The following FRMD5 variants were observed in gnomAD, a reference collection of about 807,000 sequenced individuals.
FRMD5 encodes the protein FERM domain containing 5, also known as FERM domain-containing protein 5.
In FRMD5, 20 loss-of-function variants were observed where a neutral mutation model predicts 69.0. That is an observed-to-expected ratio of 0.29 (90% confidence interval 0.20 to 0.42). The LOEUF (loss-of-function observed/expected upper bound fraction) is 0.42, where lower values mean the gene tolerates loss of function less well. Among genes scored for constraint, FRMD5 ranks in the 10% least tolerant of loss-of-function variants. The pLI is 1.00. For missense variants in FRMD5, 595 were observed against 708.6 expected, an observed-to-expected ratio of 0.84 and a Z score of 1.82; for synonymous variants, 271 against 260.1, an observed-to-expected ratio of 1.04 and a Z score of -0.40.
intron 1 of FRMD5, among the ~76,000 whole-genome samples, chr15:44,032,803 G>T (rs73406762): frequency 6.6e-6 from 1 of 151,728 alleles, no homozygotes. Context: ...GCAATTCCTC[G>T]CTACAAAGAG....
At chr15:44,145,930 G>T (rs1317413409) in intron 1 of FRMD5, among the ~76,000 whole-genome samples, 4 of 152,166 alleles carry the variant, frequency 2.6e-5, no homozygotes, top group African/African-American at 9.7e-5. Context: ...ACTTAAACTT[G>T]TATGCTGTAT....
rs377563513 is a variant in FRMD5 at position 44,001,639 on chromosome 15, CTT to C, written c.103-77332_103-77331del. The stretch of plus-strand genomic sequence containing the variant: ...TTTTTTTTTTTTGAGACAAAAATCA[CTT>C]TGTCATTCAGGCTGGAGTCCAGTGG... On this transcript the variant is annotated intron_variant, in intron 1 of 13. Transcript: ENST00000417257. Among the ~76,000 whole-genome samples the C allele has an allele frequency of 4.2e-4, 63 of 148,470 alleles. No homozygotes were observed. In the East Asian group the frequency reaches 7.7e-3, roughly 18 times the overall value.
intron 1 of FRMD5, among the ~76,000 whole-genome samples, chr15:44,137,028 G>C (rs770402131): frequency 5.3e-5 from 8 of 152,142 alleles, no homozygotes; most frequent in Non-Finnish European, 1.0e-4. Context: ...TTTTAAACAG[G>C]ATCAGATTTA....
chr15:44,155,505 T>A (rs755209034), intron 1 of FRMD5, among the ~76,000 whole-genome samples: 15 of 152,008 alleles, frequency 9.9e-5, no homozygotes, highest in Non-Finnish European at 1.9e-4. Context: ...AAGCTGAATA[T>A]AAGCATACCA....
chr15:43,883,680 C>A, intron 13 of FRMD5, 23 bp downstream of exon 13: 1 of 1,549,606 alleles, frequency 6.5e-7, no homozygotes, highest in South Asian at 1.2e-5. Flanking sequence ...CCCCAGTGGT[C>A]ACCTCAAGAA....
intron 1 of FRMD5, among the ~76,000 whole-genome samples, chr15:44,183,257 T>C (rs1050225429): frequency 6.7e-6 from 1 of 150,084 alleles, no homozygotes; most frequent in Non-Finnish European, 1.5e-5. Context: ...GAAAGGGGGG[T>C]AGCAGAGAGA....
At chr15:44,199,251 A>C (rs1312285976), upstream of FRMD5, among the ~76,000 whole-genome samples, 1 of 152,250 alleles carries the variant, frequency 6.6e-6, no homozygotes, top group Non-Finnish European at 1.5e-5. Flanking sequence ...GAAAAAAAGA[A>C]TAATCTGAAG....
At chr15:43,927,563 GGA>G (rs948217220) in intron 1 of FRMD5, among the ~76,000 whole-genome samples, 16 of 152,240 alleles carry the variant, frequency 1.1e-4, no homozygotes, top group African/African-American at 3.1e-4. Context: ...AGGTTCTCTG[GGA>G]GCAGAGGAAA....
intron 1 of FRMD5, among the ~76,000 whole-genome samples, chr15:44,165,135 T>C (rs543339229): frequency 6.0e-4 from 92 of 152,252 alleles, no homozygotes; most frequent in African/African-American, 2.1e-3. Context: ...TCAACCAAAG[T>C]CGGCCAGGAG....
intron 1 of FRMD5, among the ~76,000 whole-genome samples, chr15:44,098,743 G>A (rs186261562): frequency 1.3e-4 from 20 of 152,200 alleles, no homozygotes; most frequent in Non-Finnish European, 2.1e-4. Context: ...ACGTTTTACT[G>A]CCTCCATTTT....
intron 1 of FRMD5, among the ~76,000 whole-genome samples, chr15:43,943,887 C>T (rs1343455855): frequency 1.3e-5 from 2 of 152,186 alleles, no homozygotes; most frequent in Non-Finnish European, 2.9e-5. Flanking sequence ...AAAATGAATA[C>T]AACCTCTCCT....
chr15:43,992,383 A>G (rs1595597406), intron 1 of FRMD5, among the ~76,000 whole-genome samples: 1 of 128,746 alleles, frequency 7.8e-6, no homozygotes, highest in African/African-American at 3.0e-5. Context: ...TTTTATATTT[A>G]TTTTTATTTT....
At chr15:44,055,358 T>C (rs1892828981) in intron 1 of FRMD5, among the ~76,000 whole-genome samples, 1 of 152,154 alleles carries the variant, frequency 6.6e-6, no homozygotes, top group African/African-American at 2.4e-5. Context: ...CTGGAGTCTT[T>C]TATAACTTGA....
intron 1 of FRMD5, among the ~76,000 whole-genome samples, chr15:44,016,774 A>T (rs751850057): frequency 6.6e-6 from 1 of 151,976 alleles, no homozygotes; most frequent in Non-Finnish European, 1.5e-5. Flanking sequence ...TAGCTACTAC[A>T]ATTTTATAAA....
Position 43,905,836 on chromosome 15 carries a change from C to T in FRMD5, c.543G>A (p.Thr181=), listed in dbSNP as rs750273320. 9.3e-6 allele frequency: 15 copies of T among 1,614,158 alleles called. No homozygotes were observed. Among genetic ancestry groups the T allele is most frequent in the Admixed American group, 5.0e-5 (3 of 60,028 alleles). ...GATTAAGTGCCACGTACCTCAGTTC[C>T]GTCTTGTGAATCTCAGCAATTTTCC... ...LERKIAEIHK[T]ELSGQTPATS... Residue 181 remains threonine (T), a synonymous_variant, in exon 6 of 14, where the codon ACG becomes ACA. Transcript: ENST00000417257.
intron 5 of FRMD5, 61 bp from the exon 6 acceptor site, chr15:43,906,012 C>T: frequency 6.2e-7 from 1 of 1,606,250 alleles, no homozygotes; most frequent in Non-Finnish European, 8.5e-7. Flanking sequence ...ATTGACAAAG[C>T]AACAAGAGAT....
chr15:44,084,853 G>C (rs1894132103), intron 1 of FRMD5, among the ~76,000 whole-genome samples: 1 of 152,080 alleles, frequency 6.6e-6, no homozygotes, highest in African/African-American at 2.4e-5. Context: ...ATACATCCCT[G>C]AGCTATGAAA....
At chr15:43,999,924 T>TATATATATATATATATATATATGCCATGC (rs1451032195) in intron 1 of FRMD5, among the ~76,000 whole-genome samples, 4 of 55,778 alleles carry the variant, frequency 7.2e-5, no homozygotes, top group African/African-American at 3.2e-4. Context: ...TGTGTGTATG[T>TATATATATATATATATATATATGCCATGC]ATATATATAT....
At chr15:44,052,934 C>G (rs970504268) in intron 1 of FRMD5, among the ~76,000 whole-genome samples, 1 of 152,054 alleles carries the variant, frequency 6.6e-6, no homozygotes, top group Non-Finnish European at 1.5e-5. Context: ...TGAGGGAGTC[C>G]ATGGTCTGGT....
Sources: allele counts gnomAD v4.1 joint callset (sites outside exome capture counted in the v4.1 genomes callset), GRCh38; gene constraint gnomAD v4.1.1; transcripts MANE v1.5; gene names NCBI Gene and HGNC (gene_info 2026-07-23, HGNC 2026-07-21).